CELF2: variants seen among roughly 807,000 people sequenced by gnomAD.
CELF2 encodes the protein CUGBP Elav-like family member 2.
In CELF2, 8 loss-of-function variants were observed where a neutral mutation model predicts 62.6. That is an observed-to-expected ratio of 0.13 (90% confidence interval 0.07 to 0.23). CELF2 has a LOEUF of 0.23. Ranked by LOEUF, CELF2 falls within the 10% of genes least tolerant of loss-of-function variation. The pLI is 1.00. For missense variants in CELF2, 333 were observed against 671.0 expected (o/e 0.50, Z 5.56); for synonymous variants, 258 against 250.0 (o/e 1.03, Z -0.30).
chr10:11,030,884 A>G (rs1419248412), intron 1 of CELF2: 1 of 152,268 alleles, frequency 6.6e-6, no homozygotes, highest in Non-Finnish European at 1.5e-5. Flanking sequence ...GGATGGGGAC[A>G]CCCAAGCAGT....
intron 2 of CELF2, among the ~76,000 whole-genome samples, chr10:11,166,493 A>T (rs2067234762): frequency 6.6e-6 from 1 of 152,174 alleles, no homozygotes; most frequent in African/African-American, 2.4e-5. Flanking sequence ...GACTGAATTT[A>T]AAATATCTAC....
the CELF2 span, among the ~76,000 whole-genome samples, chr10:10,570,362 C>T: frequency 6.6e-6 from 1 of 152,148 alleles, no homozygotes; most frequent in African/African-American, 2.4e-5. Flanking sequence ...CAGAAAACCT[C>T]AGCTCAAGAT....
chr10:11,018,015 GTCTCGCGCCGCCC>G lies in CELF2; in HGVS notation c.-74_-62del. The G allele has an allele frequency of 9.4e-7, 1 of 1,064,612 alleles. No individual in the cohort carries two copies. 65.9% of individuals were successfully genotyped at this position (1,064,612 alleles called of 1,614,324 possible). On this transcript the variant is annotated 5_prime_UTR_variant, in exon 1 of 13. Transcript: ENST00000633077. ...AGGCCGCGCGCACCTGTCCCTGCCC[GTCTCGCGCCGCCC>G]GCGGCCGCTCGGACGCGCGCAGAGC...
chr10:10,827,493 T>C (rs1335843961), intron 1 of CELF2, among the ~76,000 whole-genome samples: 1 of 152,196 alleles, frequency 6.6e-6, no homozygotes, highest in Non-Finnish European at 1.5e-5. Context: ...TTTAAAGACA[T>C]AGCGAAACAG....
the CELF2 span, among the ~76,000 whole-genome samples, chr10:10,513,855 C>T: frequency 6.6e-6 from 1 of 152,144 alleles, no homozygotes; most frequent in Admixed American, 6.5e-5. Flanking sequence ...GTATAGATCC[C>T]TCTCTAAGCA....
At chr10:11,317,510 A>T (rs2095108346) in intron 10 of CELF2, 1 of 152,230 alleles carries the variant, frequency 6.6e-6, no homozygotes. Context: ...ACAAAGGAAA[A>T]CTTACCCCAG....
chr10:10,480,321 C>A, the CELF2 span, among the ~76,000 whole-genome samples: 2 of 152,264 alleles, frequency 1.3e-5, no homozygotes, highest in Admixed American at 1.3e-4. Flanking sequence ...GCAGTGGATC[C>A]CCCTTAACTT....
intron 1 of CELF2, among the ~76,000 whole-genome samples, chr10:10,866,519 C>T (rs768391314): frequency 6.7e-6 from 1 of 148,988 alleles, no homozygotes; most frequent in African/African-American, 2.5e-5. Context: ...GGAGCAGAAT[C>T]GCTTGAACCC....
chr10:11,086,311 C>T (rs960428616), intron 1 of CELF2, among the ~76,000 whole-genome samples: 69 of 152,038 alleles, frequency 4.5e-4, no homozygotes, highest in Non-Finnish European at 5.9e-4. Flanking sequence ...TTTTTCCCTC[C>T]GCCTGGCCTG....
the CELF2 span, among the ~76,000 whole-genome samples, chr10:10,704,670 A>G: frequency 6.6e-6 from 1 of 152,138 alleles, no homozygotes; most frequent in Admixed American, 6.5e-5. Context: ...GTTGGGGCTT[A>G]GTTAACTCAT....
At chr10:10,869,043 C>G (rs1225411690) in intron 1 of CELF2, among the ~76,000 whole-genome samples, 1 of 152,126 alleles carries the variant, frequency 6.6e-6, no homozygotes, top group Non-Finnish European at 1.5e-5. Flanking sequence ...CTGCATATGT[C>G]TATTTCTATC....
intron 1 of CELF2, among the ~76,000 whole-genome samples, chr10:10,884,669 G>T (rs141502482): frequency 6.6e-6 from 1 of 152,078 alleles, no homozygotes; most frequent in African/African-American, 2.4e-5. Context: ...TTGACTTCTT[G>T]CCATTTCTAG....
At chr10:11,140,196 A>C (rs1358990974) in intron 1 of CELF2, among the ~76,000 whole-genome samples, 1 of 152,202 alleles carries the variant, frequency 6.6e-6, no homozygotes, top group Non-Finnish European at 1.5e-5. Flanking sequence ...ATAGGTACCC[A>C]AAAGGGCAAG....
intron 1 of CELF2, among the ~76,000 whole-genome samples, chr10:11,054,392 G>A (rs1243251002): frequency 6.6e-6 from 1 of 151,986 alleles, no homozygotes. Flanking sequence ...ACATATGTAA[G>A]GTGCTAAGAT....
chr10:10,573,264 G>A, the CELF2 span, among the ~76,000 whole-genome samples: 1 of 152,156 alleles, frequency 6.6e-6, no homozygotes, highest in South Asian at 2.1e-4. Flanking sequence ...ACCTTTGTCA[G>A]ATGGATAGAT....
At chr10:10,584,159 T>C in the CELF2 span, among the ~76,000 whole-genome samples, 3 of 152,182 alleles carry the variant, frequency 2.0e-5, no homozygotes, top group Admixed American at 2.0e-4. Context: ...TCCTCTTCTA[T>C]ATGTAGACTT....
intron 12 of CELF2, among the ~76,000 whole-genome samples, chr10:11,327,498 G>T (rs984317062): frequency 2.0e-5 from 3 of 152,292 alleles, no homozygotes; most frequent in Admixed American, 1.3e-4. Flanking sequence ...CACCCAGTTT[G>T]CTTGGTGAGC....
the CELF2 span, among the ~76,000 whole-genome samples, chr10:10,660,366 G>T: frequency 1.3e-5 from 2 of 152,294 alleles, no homozygotes; most frequent in South Asian, 4.1e-4. Context: ...TTGGAGCAAA[G>T]GTCTTAATTT....
chr10:10,984,956 T>C (rs2052561351), intron 2 of CELF2, among the ~76,000 whole-genome samples: 1 of 152,164 alleles, frequency 6.6e-6, no homozygotes, highest in Non-Finnish European at 1.5e-5. Flanking sequence ...GAAACGGGCA[T>C]GTGAATGTGG....
Sources: gnomAD v4.1 joint callset for allele counts (sites outside exome capture counted in the v4.1 genomes callset) on GRCh38, gnomAD v4.1.1 for gene constraint, MANE v1.5 for transcripts, NCBI Gene and HGNC (gene_info 2026-07-23, HGNC 2026-07-21) for gene names.